The following COL4A5 variants were observed in gnomAD, a reference collection of about 807,000 sequenced individuals.
The protein encoded by COL4A5 is collagen alpha-5(IV) chain.
COL4A5 carries 26 observed loss-of-function variants against 130.2 expected under a neutral mutation model. The observed-to-expected ratio is 0.20, with a 90% CI of 0.15 to 0.28. The LOEUF is 0.28. Among genes scored for constraint, COL4A5 ranks in the 10% least tolerant of loss-of-function variants. The probability of loss-of-function intolerance (pLI) is 1.00; values close to 1 mark genes in which losing one functional copy is unlikely to be tolerated. For synonymous variants in COL4A5, 496 were observed against 439.6 expected, an observed-to-expected ratio of 1.13 and a Z score of -1.60; for missense variants, 1,131 against 1,344.3, an observed-to-expected ratio of 0.84 and a Z score of 2.48.
chrX:108,453,334 A>T (rs2064547976), intron 1 of COL4A5, among the ~76,000 whole-genome samples: 1 of 112,013 alleles, frequency 8.9e-6, no homozygotes, highest in African/African-American at 3.2e-5. Context: ...TAAGTAAAGC[A>T]ATGTATTCCA....
At chrX:108,464,768 A>C (rs1481189401) in intron 1 of COL4A5, among the ~76,000 whole-genome samples, 1 of 112,315 alleles carries the variant, frequency 8.9e-6, no homozygotes, top group Non-Finnish European at 1.9e-5. Flanking sequence ...AGCTATGCCA[A>C]CAATGTTTTG....
chrX:108,595,261 G>A (rs756378217), intron 21 of COL4A5, among the ~76,000 whole-genome samples: 2 of 111,894 alleles, frequency 1.8e-5, no homozygotes, highest in East Asian at 5.6e-4. Context: ...TGTGAGGCAT[G>A]TAGACATGAA....
At chrX:108,584,066 C>A in intron 17 of COL4A5, among the ~76,000 whole-genome samples, 1 of 79,141 alleles carries the variant, frequency 1.3e-5, no homozygotes, top group African/African-American at 5.7e-5. Flanking sequence ...AGAAACATGG[C>A]TAAATGTAAA....
chrX:108,581,625 A>G (rs969205778), intron 16 of COL4A5, among the ~76,000 whole-genome samples: 41 of 110,806 alleles, frequency 3.7e-4, no homozygotes, highest in African/African-American at 1.3e-3. Context: ...CCCAAATGTC[A>G]GATACATTGG....
At chrX:108,616,487 C>T (rs751790279) in intron 30 of COL4A5, among the ~76,000 whole-genome samples, 4 of 111,185 alleles carry the variant, frequency 3.6e-5, no homozygotes, top group East Asian at 2.8e-4. Flanking sequence ...TCGCCCGCCT[C>T]GGCCTCCCAG....
intron 36 of COL4A5, among the ~76,000 whole-genome samples, chrX:108,635,361 T>C (rs1279102895): frequency 8.9e-6 from 1 of 112,057 alleles, no homozygotes; most frequent in African/African-American, 3.2e-5. Flanking sequence ...TTTCTTTTTA[T>C]CTAAAATGAA....
At chrX:108,571,692 C>A in intron 7 of COL4A5, 119 bp from the exon 8 acceptor site, 1 of 598,750 alleles carries the variant, frequency 1.7e-6, no homozygotes, top group Non-Finnish European at 2.8e-6. Flanking sequence ...AAGGTATATC[C>A]TATTCAGAAA....
In COL4A5 at chrX:108,455,039, A is replaced by G. The variant is rs928558671; in HGVS notation, c.81+14833A>G. Among the ~76,000 whole-genome samples the G allele has an allele frequency of 8.9e-5, 10 of 112,351 alleles. No homozygotes were observed. In the Admixed American group the frequency reaches 9.4e-4, roughly 11 times the overall value. On this transcript the variant is annotated intron_variant, in intron 1 of 52. Coordinates refer to ENST00000328300, the MANE Select transcript of COL4A5 (RefSeq NM_033380.3). ...CGAAACCATCACAACATTCAAGATAATGAACATGTAAATTGCTCCAAAAGA... is the reference window on the plus strand; with the variant it reads ...CGAAACCATCACAACATTCAAGATAGTGAACATGTAAATTGCTCCAAAAGA...
At chrX:108,584,722 A>G (rs2066307034) in intron 18 of COL4A5, among the ~76,000 whole-genome samples, 197 bp downstream of exon 18, 1 of 111,120 alleles carries the variant, frequency 9.0e-6, no homozygotes, top group African/African-American at 3.3e-5. Context: ...TGTTCTGCCT[A>G]TGCATTACTT....
chrX:108,675,037 G>T (rs1259317030), intron 43 of COL4A5, among the ~76,000 whole-genome samples: 1 of 110,895 alleles, frequency 9.0e-6, no homozygotes, highest in Non-Finnish European at 1.9e-5. Context: ...CTTCAAGACT[G>T]CATTAAAATA....
chrX:108,449,175 T>C (rs1384509323), intron 1 of COL4A5, among the ~76,000 whole-genome samples: 1 of 111,797 alleles, frequency 8.9e-6, no homozygotes, highest in African/African-American at 3.3e-5. Flanking sequence ...CTCCCTGCCC[T>C]GCGTCTGGCC....
At chrX:108,613,926 C>G (rs1469671740) in intron 29 of COL4A5, among the ~76,000 whole-genome samples, 1 of 111,750 alleles carries the variant, frequency 8.9e-6, no homozygotes, top group Admixed American at 9.5e-5. Context: ...CACAGCAATT[C>G]TACTCCCAAG....
chrX:108,680,772 G>T (rs1217342644), intron 45 of COL4A5, 21 bp downstream of exon 45: 9 of 1,199,240 alleles, frequency 7.5e-6, no homozygotes, highest in Non-Finnish European at 1.0e-5. Flanking sequence ...GGATTTTTGT[G>T]GTTTCCCTTT....
intron 1 of COL4A5, among the ~76,000 whole-genome samples, chrX:108,530,144 G>C (rs2065366199): frequency 9.0e-6 from 1 of 111,556 alleles, no homozygotes; most frequent in Non-Finnish European, 1.9e-5. Context: ...GATAGATCAT[G>C]TGTTAGGTCA....
At chrX:108,478,049 G>A (rs1358956693) in intron 1 of COL4A5, among the ~76,000 whole-genome samples, 1 of 110,713 alleles carries the variant, frequency 9.0e-6, no homozygotes, top group Admixed American at 9.6e-5. Context: ...TATCTGGATT[G>A]CATTGTTGTA....
Position 108,579,710 on chromosome X carries a change from A to G in COL4A5, c.781-823A>G, listed in dbSNP as rs5973835. Among the ~76,000 whole-genome samples, 471 of 112,342 alleles carry G rather than the reference A, an allele frequency of 4.2e-3. 3 individuals are homozygous for G. The highest frequency in any genetic ancestry group is 0.014 in the African/African-American group (419 of 31,014). ...ATTTTTGTTTCACTTAAATGTGAAT[A>G]AGAAAGTTAAGAATAAAGGAAAAGT... On this transcript the variant is annotated intron_variant, in intron 13 of 52. Coordinates refer to ENST00000328300, the MANE Select transcript of COL4A5 (RefSeq NM_033380.3).
At chrX:108,487,039 C>T (rs1255950440) in intron 1 of COL4A5, among the ~76,000 whole-genome samples, 1 of 112,031 alleles carries the variant, frequency 8.9e-6, no homozygotes, top group African/African-American at 3.2e-5. Flanking sequence ...TTTAAGAAAT[C>T]TCCACAGTGT....
chrX:108,609,188 G>C (rs767171340), intron 29 of COL4A5, among the ~76,000 whole-genome samples: 6 of 111,891 alleles, frequency 5.4e-5, no homozygotes, highest in Non-Finnish European at 7.5e-5. Context: ...TGGATGCTTA[G>C]TTGTACTAGA....
chrX:108,462,002 T>C, intron 1 of COL4A5, among the ~76,000 whole-genome samples: 1 of 112,404 alleles, frequency 8.9e-6, no homozygotes, highest in Middle Eastern at 4.6e-3. Flanking sequence ...TGGAAATGTA[T>C]ACTCATAGCA....
Sources: allele counts gnomAD v4.1 joint callset (sites outside exome capture counted in the v4.1 genomes callset), GRCh38; gene constraint gnomAD v4.1.1; transcripts MANE v1.5; gene names NCBI Gene and HGNC (gene_info 2026-07-23, HGNC 2026-07-21).